The following CDKAL1 variants were observed in gnomAD, a reference collection of about 807,000 sequenced individuals.
The protein encoded by CDKAL1 is threonylcarbamoyladenosine tRNA methylthiotransferase.
CDKAL1 carries 32 observed loss-of-function variants against 68.2 expected under a neutral mutation model. The observed-to-expected ratio is 0.47, with a 90% CI of 0.35 to 0.63. CDKAL1 has a LOEUF of 0.63. Among genes scored for constraint, CDKAL1 ranks in the 30% least tolerant of loss-of-function variants. The pLI is 0.00. For missense variants in CDKAL1, 606 were observed against 696.7 expected, an observed-to-expected ratio of 0.87 and a Z score of 1.47; for synonymous variants, 234 against 244.3, an observed-to-expected ratio of 0.96 and a Z score of 0.39.
At chr6:20,704,225 C>T (rs1417656333) in intron 5 of CDKAL1, among the ~76,000 whole-genome samples, 2 of 152,024 alleles carry the variant, frequency 1.3e-5, no homozygotes, top group Non-Finnish European at 1.5e-5. Flanking sequence ...TCGATAATAG[C>T]AATGAAGGAA....
At chr6:20,924,821 C>T (rs577322647) in intron 9 of CDKAL1, among the ~76,000 whole-genome samples, 3 of 152,326 alleles carry the variant, frequency 2.0e-5, no homozygotes, top group East Asian at 3.9e-4. Flanking sequence ...TCGATGAAGG[C>T]GCCTATGCTA....
chr6:21,098,340 G>A (rs1334482780), intron 12 of CDKAL1, among the ~76,000 whole-genome samples: 11 of 152,126 alleles, frequency 7.2e-5, no homozygotes, highest in Admixed American at 7.2e-4. Flanking sequence ...TATATAAGGT[G>A]AGCGTGGGAG....
At chr6:20,939,898 T>C (rs1393719980) in intron 9 of CDKAL1, among the ~76,000 whole-genome samples, 1 of 152,222 alleles carries the variant, frequency 6.6e-6, no homozygotes, top group Non-Finnish European at 1.5e-5. Flanking sequence ...TTTTCTGTGT[T>C]TCTTCATTTA....
intron 4 of CDKAL1, among the ~76,000 whole-genome samples, chr6:20,626,767 A>G (rs1012804138): frequency 9.2e-5 from 14 of 152,138 alleles, no homozygotes; most frequent in Admixed American, 3.9e-4. Context: ...CTTCTGCTGT[A>G]GGCATCACCT....
chr6:20,924,412 G>GATTA (rs1763094329), intron 9 of CDKAL1, among the ~76,000 whole-genome samples: 1 of 151,866 alleles, frequency 6.6e-6, no homozygotes, highest in Non-Finnish European at 1.5e-5. Flanking sequence ...AAGCCGGCAG[G>GATTA]CTGAAAGCTG....
chr6:21,060,222 TG>T (rs772761276), intron 11 of CDKAL1, among the ~76,000 whole-genome samples: 13 of 152,232 alleles, frequency 8.5e-5, no homozygotes, highest in Non-Finnish European at 1.9e-4. Context: ...TACAAGTTTT[TG>T]TAATAGATAA....
At chr6:20,606,082 G>A (rs535619468) in intron 4 of CDKAL1, among the ~76,000 whole-genome samples, 4 of 152,172 alleles carry the variant, frequency 2.6e-5, no homozygotes, top group South Asian at 2.1e-4. Flanking sequence ...TTTGTTTTCC[G>A]TCTCTCAGGG....
chr6:20,980,735 A>G (rs528762811), intron 10 of CDKAL1, among the ~76,000 whole-genome samples: 2 of 152,280 alleles, frequency 1.3e-5, no homozygotes, highest in South Asian at 4.1e-4. Context: ...ACCTGATGCC[A>G]TTCAGTAAAG....
In CDKAL1 at chr6:20,850,899, A is replaced by C. The variant is rs376312872; in HGVS notation, c.742+4721A>C. On this transcript the variant is annotated intron_variant, in intron 9 of 15. Transcript: ENST00000274695. ...AAAAATATGCTGACTATGCATTCAG[A>C]TGTGAAAAAATGAGAGAGCTCATTA... Among the ~76,000 whole-genome samples, 14 of 152,300 alleles carry C rather than the reference A, an allele frequency of 9.2e-5. No individual in the cohort carries two copies. In the East Asian group the frequency reaches 2.5e-3, roughly 27 times the overall value.
chr6:20,827,070 T>C (rs1273761262), intron 8 of CDKAL1, among the ~76,000 whole-genome samples: 1 of 152,190 alleles, frequency 6.6e-6, no homozygotes, highest in African/African-American at 2.4e-5. Flanking sequence ...ATATATTTTA[T>C]GTTATTATTA....
intron 5 of CDKAL1, among the ~76,000 whole-genome samples, chr6:20,694,064 G>GTGTGTA (rs1771000663): frequency 7.7e-5 from 3 of 38,884 alleles, no homozygotes; most frequent in East Asian, 2.0e-3. Context: ...GTGTGTGTAT[G>GTGTGTA]TGTGTGTGTG....
chr6:20,785,252 G>T (rs1346360604), intron 8 of CDKAL1, among the ~76,000 whole-genome samples: 1 of 151,618 alleles, frequency 6.6e-6, no homozygotes. Flanking sequence ...TCACATGAAA[G>T]CATTCCCATA....
chr6:20,775,563 T>A (rs919974485), intron 7 of CDKAL1, among the ~76,000 whole-genome samples: 2 of 152,204 alleles, frequency 1.3e-5, no homozygotes, highest in South Asian at 2.1e-4. Flanking sequence ...GCTCCAAAAA[T>A]TTGCCTTTTA....
intron 9 of CDKAL1, among the ~76,000 whole-genome samples, chr6:20,902,289 T>C (rs1455730792): frequency 6.8e-6 from 1 of 146,880 alleles, no homozygotes; most frequent in Non-Finnish European, 1.5e-5. Flanking sequence ...AAGAGGCTAC[T>C]TAAAGAAATC....
intron 8 of CDKAL1, among the ~76,000 whole-genome samples, chr6:20,791,381 A>G (rs1775892350): frequency 6.6e-6 from 1 of 152,218 alleles, no homozygotes; most frequent in South Asian, 2.1e-4. Context: ...TTAAGGCCAC[A>G]GAGCTAGTAA....
chr6:20,795,428 G>A (rs942535590), intron 8 of CDKAL1, among the ~76,000 whole-genome samples: 1 of 152,128 alleles, frequency 6.6e-6, no homozygotes, highest in African/African-American at 2.4e-5. Flanking sequence ...CAAGCATCTA[G>A]AATGATATTA....
intron 12 of CDKAL1, among the ~76,000 whole-genome samples, chr6:21,102,690 T>C (rs1021193601): frequency 6.6e-6 from 1 of 152,176 alleles, no homozygotes; most frequent in African/African-American, 2.4e-5. Context: ...AGCCCTAGCG[T>C]GTATTACCTG....
chr6:20,838,692 C>T lies in CDKAL1; in HGVS notation c.639-7383C>T, dbSNP rs146895054. Reference sequence around the variant, plus strand: ...CACATTGAAAATCCAACTGGAGAGGCCCGGGTGCAGTGGTTCACGCCTGTA... The same window carrying T: ...CACATTGAAAATCCAACTGGAGAGGTCCGGGTGCAGTGGTTCACGCCTGTA... On this transcript the variant is annotated intron_variant, in intron 8 of 15. Transcript: ENST00000274695. Among the ~76,000 whole-genome samples the T allele has an allele frequency of 4.8e-3, 734 of 152,174 alleles. 22 individuals carry two copies. The highest frequency in any genetic ancestry group is 0.045 in the Admixed American group (688 of 15,268).
At chr6:21,203,076 G>T (rs1582409506) in intron 15 of CDKAL1, among the ~76,000 whole-genome samples, 1 of 151,894 alleles carries the variant, frequency 6.6e-6, no homozygotes, top group African/African-American at 2.4e-5. Context: ...TTGAGAGAGG[G>T]TCTCCCTCTG....
Sources: gnomAD v4.1 joint callset for allele counts (sites outside exome capture counted in the v4.1 genomes callset) on GRCh38, gnomAD v4.1.1 for gene constraint, MANE v1.5 for transcripts, NCBI Gene and HGNC (gene_info 2026-07-23, HGNC 2026-07-21) for gene names.